Variants in PDZD2 observed in about 807,000 individuals in gnomAD.
The protein encoded by PDZD2 is PDZ domain-containing protein 2.
In PDZD2, 90 loss-of-function variants were observed where a neutral mutation model predicts 220.7. The observed-to-expected ratio is 0.41, with a 90% CI of 0.34 to 0.49. The LOEUF is 0.49. PDZD2 is among the 20% of genes least tolerant of loss of function. The pLI is 0.28. For synonymous variants in PDZD2, 1,375 were observed against 1,450.5 expected (o/e 0.95, Z 1.18); for missense variants, 3,174 against 3,608.5 (o/e 0.88, Z 3.08).
chr5:31,886,718 G>C (rs1296475459), intron 2 of PDZD2, among the ~76,000 whole-genome samples: 1 of 146,148 alleles, frequency 6.8e-6, no homozygotes, highest in Non-Finnish European at 1.5e-5. Context: ...TTTTTTTTGA[G>C]ACGGAGTCTT....
intron 1 of PDZD2, among the ~76,000 whole-genome samples, chr5:31,750,272 C>T (rs1195831805): frequency 1.3e-5 from 2 of 152,200 alleles, no homozygotes; most frequent in Admixed American, 1.3e-4. Context: ...GCCTTTGGAG[C>T]CCATTGTGTC....
chr5:32,104,673 C>G (rs1744568290), intron 24 of PDZD2, among the ~76,000 whole-genome samples: 1 of 129,246 alleles, frequency 7.7e-6, no homozygotes, highest in South Asian at 2.4e-4. Context: ...TGAGCCAGGA[C>G]CACACCACTG....
chr5:31,822,928 A>G (rs1747613118), intron 2 of PDZD2: 1 of 952,418 alleles, frequency 1.0e-6, no homozygotes, highest in East Asian at 3.6e-5. Context: ...AATAGTCTGA[A>G]CGGTGGCCAG....
chr5:31,790,491 G>A (rs1753638864), intron 1 of PDZD2, among the ~76,000 whole-genome samples: 1 of 152,180 alleles, frequency 6.6e-6, no homozygotes, highest in Non-Finnish European at 1.5e-5. Context: ...ATTTTTTGAA[G>A]CCTTACTTGT....
chr5:31,880,058 C>T (rs898036243), intron 2 of PDZD2, among the ~76,000 whole-genome samples: 1 of 151,920 alleles, frequency 6.6e-6, no homozygotes, highest in East Asian at 1.9e-4. Context: ...GGATGACAGG[C>T]GCCCACCACC....
intron 2 of PDZD2, among the ~76,000 whole-genome samples, chr5:31,933,310 A>G (rs1185271986): frequency 6.6e-6 from 1 of 152,016 alleles, no homozygotes; most frequent in Non-Finnish European, 1.5e-5. Context: ...TATGTATCAC[A>G]TTTTCTGTAT....
rs10650316 is a variant in PDZD2, at chr5:31,693,240, C to CTTT, written c.-361+53820_-361+53822dup. Among the ~76,000 whole-genome samples, 262 of 87,740 alleles carry CTTT rather than the reference C, an allele frequency of 3.0e-3. 19 individuals carry two copies. The highest frequency in any genetic ancestry group is 9.9e-3 in the Admixed American group (60 of 6,062). 57.6% of individuals were successfully genotyped at this position (87,740 alleles called of 152,430 possible). ...GGGGCAGGAGGATAGTGGGAAAGCA[C>CTTT]TTTTTTTTTTTTTTTTTTTGAGACG... On this transcript the variant is annotated intron_variant, in intron 1 of 24. Transcript: ENST00000438447.
At position 31,812,991 on chromosome 5, in the gene PDZD2, T is replaced by G. The variant is rs1755212955; in HGVS notation, c.476+13267T>G. Among the ~76,000 whole-genome samples the G allele has an allele frequency of 2.0e-5, 3 of 152,336 alleles. No homozygotes were observed. In the South Asian group the frequency reaches 6.2e-4, roughly 32 times the overall value. On this transcript the variant is annotated intron_variant, in intron 2 of 24. Coordinates refer to ENST00000438447, the MANE Select transcript of PDZD2 (RefSeq NM_178140.4). ...TATGAAGTAAAACAGTGACAATCTA[T>G]GTAGACTGAGAAGTCAGACAAAAAC... is the stretch of plus-strand genomic sequence containing the variant.
chr5:31,915,619 A>G (rs143534077), intron 2 of PDZD2, among the ~76,000 whole-genome samples: 49 of 152,336 alleles, frequency 3.2e-4, no homozygotes, highest in African/African-American at 1.1e-3. Context: ...AGAGAGTTTC[A>G]AAGACCCAGG....
intron 2 of PDZD2, chr5:31,847,125 C>T (rs1439205715): frequency 6.5e-6 from 1 of 153,868 alleles, no homozygotes; most frequent in Non-Finnish European, 1.4e-5. Context: ...AAATATGTGA[C>T]CCATCCATAT....
intron 17 of PDZD2, among the ~76,000 whole-genome samples, chr5:32,072,792 A>G (rs1302358319): frequency 1.3e-5 from 2 of 152,136 alleles, no homozygotes; most frequent in East Asian, 3.9e-4. Context: ...TACACATTCT[A>G]TAGTCAGGGG....
In PDZD2 at chr5:32,091,021, C is replaced by T. The variant is rs1437224655; in HGVS notation, c.7573C>T (p.Pro2525Ser). The T allele has an allele frequency of 1.9e-6, 3 of 1,613,752 alleles. No homozygotes were observed. In the African/African-American group the frequency reaches 4.0e-5, roughly 22 times the overall value. Residue 2525 changes from proline to serine, a missense_variant, in exon 20 of 25, where the codon CCT becomes TCT. By Grantham distance (74) the Pro-to-Ser change is moderately conservative (BLOSUM62 -1). Transcript: ENST00000438447. ...EITPRRSPGP[P>S]AGGVSCPEKG... Reference sequence around the variant, plus strand: ...CACCCCCAGGAGGTCACCTGGCCCTCCTGCTGGAGGCGTTTCGTGTCCCGA... The same window carrying T: ...CACCCCCAGGAGGTCACCTGGCCCTTCTGCTGGAGGCGTTTCGTGTCCCGA...
chr5:31,974,034 G>A (rs1749528501), intron 2 of PDZD2, among the ~76,000 whole-genome samples: 2 of 152,206 alleles, frequency 1.3e-5, no homozygotes, highest in African/African-American at 4.8e-5. Flanking sequence ...AGGCTGGAAT[G>A]TAGTGGTGCC....
intron 1 of PDZD2, among the ~76,000 whole-genome samples, chr5:31,687,427 C>G (rs1746916640): frequency 6.6e-6 from 1 of 152,180 alleles, no homozygotes; most frequent in Non-Finnish European, 1.5e-5. Flanking sequence ...CTGTCTGAGA[C>G]CTCACCAGAA....
chr5:31,911,192 T>C (rs1418649877), intron 2 of PDZD2, among the ~76,000 whole-genome samples: 1 of 152,244 alleles, frequency 6.6e-6, no homozygotes, highest in Non-Finnish European at 1.5e-5. Flanking sequence ...TTTGATGGGA[T>C]AGTTACACTA....
intron 2 of PDZD2, among the ~76,000 whole-genome samples, chr5:31,918,941 C>T (rs35482648): frequency 0.099 from 15,118 of 152,234 alleles, 922 homozygotes; most frequent in East Asian, 0.23. Context: ...CTTTGGGAAC[C>T]GCTGAGTGCT....
intron 2 of PDZD2, among the ~76,000 whole-genome samples, chr5:31,895,795 A>C (rs1741496455): frequency 6.6e-6 from 1 of 152,056 alleles, no homozygotes; most frequent in Non-Finnish European, 1.5e-5. Flanking sequence ...CCCTTCCAAA[A>C]GACAGTGTTA....
intron 4 of PDZD2, among the ~76,000 whole-genome samples, chr5:31,999,289 T>G (rs202141191): frequency 0.019 from 2,829 of 149,620 alleles, 71 homozygotes; most frequent in African/African-American, 0.058. Context: ...TGTTTTTTTT[T>G]TTTGTTTGTT....
chr5:31,900,492 T>C (rs1741988089), intron 2 of PDZD2, among the ~76,000 whole-genome samples: 1 of 122,864 alleles, frequency 8.1e-6, no homozygotes, highest in South Asian at 2.7e-4. Context: ...TGCCCGAGGC[T>C]AGGTTTTCTT....
Sources: allele counts gnomAD v4.1 joint callset (sites outside exome capture counted in the v4.1 genomes callset), GRCh38; gene constraint gnomAD v4.1.1; transcripts MANE v1.5; gene names NCBI Gene and HGNC (gene_info 2026-07-23, HGNC 2026-07-21).